FANK1: variants seen among roughly 807,000 people sequenced by gnomAD.
The protein encoded by FANK1 is fibronectin type III and ankyrin repeat domains 1, also known as fibronectin type 3 and ankyrin repeat domains protein 1.
FANK1 carries 44 observed loss-of-function variants against 45.3 expected under a neutral mutation model. The ratio of observed to expected loss-of-function variants is 0.97; its 90% confidence interval spans 0.76 to 1.25. FANK1 has a LOEUF of 1.25. Ranked by LOEUF, FANK1 falls within the 50% of genes most tolerant of loss-of-function variation. FANK1 has a pLI of 0.00. For missense variants in FANK1, 391 were observed against 424.4 expected (o/e 0.92, Z 0.69); for synonymous variants, 149 against 152.5 (o/e 0.98, Z 0.17).
chr10:125,949,003 G>A (rs372941497), intron 1 of FANK1, among the ~76,000 whole-genome samples: 53 of 146,850 alleles, frequency 3.6e-4, no homozygotes, highest in East Asian at 1.2e-3. Flanking sequence ...TATAAACAGA[G>A]CCAAAGACAA....
chr10:125,919,195 A>ATTTTTTTTTTT lies in FANK1; in HGVS notation c.13+22558_13+22568dup, dbSNP rs142716284. On this transcript the variant is annotated intron_variant, in intron 1 of 10. Transcript: ENST00000368693. Reference sequence around the variant, plus strand: ...AGTAAAATACTTCCAGGAGGTAAGAATTTTTTTTTTTTTTTTTTTTTTTTT... The same window carrying ATTTTTTTTTTT: ...AGTAAAATACTTCCAGGAGGTAAGAATTTTTTTTTTTTTTTTTTTTTTTTTTTTTTTTTTTT... Among the ~76,000 whole-genome samples, 303 of 51,884 alleles carry ATTTTTTTTTTT rather than the reference A, an allele frequency of 5.8e-3. 45 individuals are homozygous for ATTTTTTTTTTT. The highest frequency in any genetic ancestry group is 0.016 in the African/African-American group (208 of 12,780). 34.0% of individuals were successfully genotyped at this position (51,884 alleles called of 152,430 possible).
intron 1 of FANK1, among the ~76,000 whole-genome samples, chr10:125,969,071 A>C (rs936526797): frequency 1.3e-5 from 2 of 152,260 alleles, no homozygotes; most frequent in Admixed American, 6.5e-5. Flanking sequence ...CGTCCTTTTG[A>C]GGTACTTCTT....
At chr10:126,002,838 A>G (rs557873308) in intron 6 of FANK1, among the ~76,000 whole-genome samples, 1 of 149,350 alleles carries the variant, frequency 6.7e-6, no homozygotes, top group African/African-American at 2.5e-5. Flanking sequence ...TCACCCCTCA[A>G]TACGTCAGAA....
chr10:125,980,960 T>C (rs994351557), intron 2 of FANK1: 1 of 152,446 alleles, frequency 6.6e-6, no homozygotes, highest in Non-Finnish European at 1.5e-5. Flanking sequence ...AACCTTGTTT[T>C]GTATGCCACA....
chr10:125,997,577 A>G (rs1380944023), intron 6 of FANK1, 92 bp downstream of exon 6: 3 of 1,219,656 alleles, frequency 2.5e-6, no homozygotes, highest in African/African-American at 3.0e-5. Flanking sequence ...TCACCAAAAC[A>G]TTGTCTTGAG....
At chr10:125,932,264 T>C (rs1015675961) in intron 1 of FANK1, among the ~76,000 whole-genome samples, 8 of 152,178 alleles carry the variant, frequency 5.3e-5, no homozygotes, top group Non-Finnish European at 1.2e-4. Flanking sequence ...TGATGGGCAT[T>C]GTGTTGAATT....
At chr10:125,972,222 A>T (rs1355003172) in intron 1 of FANK1, 2 of 152,222 alleles carry the variant, frequency 1.3e-5, no homozygotes, top group Admixed American at 1.3e-4. Flanking sequence ...GTGTTGCCGC[A>T]TTGCAGTTCT....
intron 1 of FANK1, chr10:125,979,713 C>T: frequency 2.9e-5 from 10 of 348,984 alleles, no homozygotes; most frequent in South Asian, 4.5e-5. Context: ...GCCTTTATTC[C>T]TGGTTAGTTT....
rs368311573 is a variant in FANK1, at chr10:125,981,123, C to T, written c.191+785C>T. Among the ~76,000 whole-genome samples, 60 of 152,368 alleles carry T rather than the reference C, an allele frequency of 3.9e-4. No homozygotes were observed. The South Asian group carries it at 6.2e-3, about 16-fold the overall frequency. Reference sequence around the variant, plus strand: ...ACAAATAAGACTTCTGCCTGCTTAACGCTCTAGCCGGTTCCTTGACAGTGC... The same window carrying T: ...ACAAATAAGACTTCTGCCTGCTTAATGCTCTAGCCGGTTCCTTGACAGTGC... On this transcript the variant is annotated intron_variant, in intron 2 of 10. Coordinates refer to ENST00000368693, the MANE Select transcript of FANK1 (RefSeq NM_145235.5).
intron 1 of FANK1, among the ~76,000 whole-genome samples, chr10:125,932,217 G>A (rs1356212929): frequency 6.6e-6 from 1 of 151,968 alleles, no homozygotes; most frequent in African/African-American, 2.4e-5. Context: ...TTTAGAATTT[G>A]TTTTTTCTAA....
chr10:125,927,866 CT>C (rs2134137955), intron 1 of FANK1, among the ~76,000 whole-genome samples: 1 of 152,272 alleles, frequency 6.6e-6, no homozygotes, highest in Admixed American at 6.5e-5. Context: ...TTGTACTTAC[CT>C]TTTGGTGCAC....
rs117554276 is a variant in FANK1 at position 125,928,520 on chromosome 10, G to A, written c.13+31865G>A. ...AAGAATTTCATCCTATAACTCTCTG[G>A]GAATGCAGCCCAGTAGGTCTCAGCC... On this transcript the variant is annotated intron_variant, in intron 1 of 10. Transcript: ENST00000368693. Among the ~76,000 whole-genome samples, 25 of 152,172 alleles carry A rather than the reference G, an allele frequency of 1.6e-4. No individual in the cohort carries two copies. In the East Asian group the frequency reaches 4.4e-3, roughly 27 times the overall value.
chr10:125,998,277 G>A (rs1197935923), intron 6 of FANK1, among the ~76,000 whole-genome samples: 1 of 152,124 alleles, frequency 6.6e-6, no homozygotes, highest in Non-Finnish European at 1.5e-5. Flanking sequence ...TTCTGGGGGA[G>A]GCCTTGAAGA....
intron 1 of FANK1, among the ~76,000 whole-genome samples, chr10:125,942,923 C>A (rs1449284656): frequency 6.6e-6 from 1 of 151,168 alleles, no homozygotes; most frequent in African/African-American, 2.4e-5. Flanking sequence ...CAGCAATTCT[C>A]CTGCCTCAGC....
At chr10:125,994,506 T>G in intron 3 of FANK1, 1 of 985,350 alleles carries the variant, frequency 1.0e-6, no homozygotes, top group Non-Finnish European at 1.2e-6. Flanking sequence ...TGGGGCTGTA[T>G]CCACTGACGA....
At chr10:125,935,987 G>A (rs555933802) in intron 1 of FANK1, among the ~76,000 whole-genome samples, 8 of 152,234 alleles carry the variant, frequency 5.3e-5, no homozygotes, top group Admixed American at 1.3e-4. Flanking sequence ...CTCTGAATTC[G>A]TCATTAGGTA....
intron 1 of FANK1, among the ~76,000 whole-genome samples, chr10:125,944,889 G>A (rs1334469651): frequency 6.6e-6 from 1 of 152,140 alleles, no homozygotes. Context: ...TGTCAGTTCT[G>A]AAGGCTGCGA....
chr10:125,945,251 A>G (rs1003515312), intron 1 of FANK1, among the ~76,000 whole-genome samples: 1 of 152,238 alleles, frequency 6.6e-6, no homozygotes, highest in African/African-American at 2.4e-5. Context: ...GGAGGAGCCA[A>G]GATGGCCGAA....
At chr10:126,004,826 G>T in intron 6 of FANK1, 58 bp from the exon 7 acceptor site, 1 of 1,576,648 alleles carries the variant, frequency 6.3e-7, no homozygotes, top group Non-Finnish European at 8.7e-7. Context: ...GGTAAAAGGT[G>T]GAGCTGAGTT....
Sources: gnomAD v4.1 joint callset for allele counts (sites outside exome capture counted in the v4.1 genomes callset) on GRCh38, gnomAD v4.1.1 for gene constraint, MANE v1.5 for transcripts, NCBI Gene and HGNC (gene_info 2026-07-23, HGNC 2026-07-21) for gene names.